DDX10: variants seen among roughly 807,000 people sequenced by gnomAD.
The protein encoded by DDX10 is probable ATP-dependent RNA helicase DDX10.
Under a neutral mutation model 104.3 loss-of-function variants are expected in DDX10, and 74 were observed. The ratio of observed to expected loss-of-function variants is 0.71; its 90% confidence interval spans 0.59 to 0.86. The LOEUF is 0.86. Among genes scored for constraint, DDX10 ranks in the 40% least tolerant of loss-of-function variants. The pLI is 0.00. For synonymous variants in DDX10, 351 were observed against 353.4 expected, an observed-to-expected ratio of 0.99 and a Z score of 0.08; for missense variants, 952 against 1,040.0, an observed-to-expected ratio of 0.92 and a Z score of 1.16.
At chr11:108,875,623 G>C (rs1373733072) in intron 16 of DDX10, among the ~76,000 whole-genome samples, 1 of 152,170 alleles carries the variant, frequency 6.6e-6, no homozygotes, top group Non-Finnish European at 1.5e-5. Context: ...CAAATGACCA[G>C]GTGTCCAGGA....
chr11:108,747,841 C>T (rs2094333718), intron 13 of DDX10, among the ~76,000 whole-genome samples: 1 of 152,074 alleles, frequency 6.6e-6, no homozygotes, highest in South Asian at 2.1e-4. Flanking sequence ...GTTACCGATT[C>T]ATGAAGTTGT....
chr11:108,816,675 C>T (rs144385900), intron 13 of DDX10, among the ~76,000 whole-genome samples: 103 of 151,980 alleles, frequency 6.8e-4, no homozygotes, highest in African/African-American at 2.4e-3. Flanking sequence ...GCCTCAGCCT[C>T]CCAAGTAGTG....
chr11:108,907,802 G>A (rs1201068409), intron 16 of DDX10, among the ~76,000 whole-genome samples: 1 of 152,092 alleles, frequency 6.6e-6, no homozygotes, highest in East Asian at 1.9e-4. Flanking sequence ...ATATGCCAAA[G>A]GATCAAGTAT....
At chr11:108,853,698 T>C (rs1862826414) in intron 16 of DDX10, among the ~76,000 whole-genome samples, 1 of 152,192 alleles carries the variant, frequency 6.6e-6, no homozygotes, top group African/African-American at 2.4e-5. Context: ...GTTGTCACAA[T>C]CAGGCATTTT....
At chr11:108,736,135 C>T (rs1310139858) in intron 13 of DDX10, among the ~76,000 whole-genome samples, 1 of 149,804 alleles carries the variant, frequency 6.7e-6, no homozygotes, top group Non-Finnish European at 1.5e-5. Flanking sequence ...AAAATGAACC[C>T]CTCTTTGCTT....
intron 5 of DDX10, 125 bp from the exon 6 acceptor site, chr11:108,679,246 C>G: frequency 1.3e-6 from 1 of 770,838 alleles, no homozygotes; most frequent in Non-Finnish European, 2.1e-6. Flanking sequence ...AGACTTTATT[C>G]AGGTTTTACC....
chr11:108,686,381 C>A (rs1005813614), intron 6 of DDX10, among the ~76,000 whole-genome samples: 1 of 152,192 alleles, frequency 6.6e-6, no homozygotes, highest in African/African-American at 2.4e-5. Flanking sequence ...TGAAAGTCCT[C>A]TGTGCTCTGC....
At chr11:108,828,118 A>G (rs772589012) in intron 13 of DDX10, among the ~76,000 whole-genome samples, 1 of 151,998 alleles carries the variant, frequency 6.6e-6, no homozygotes, top group Non-Finnish European at 1.5e-5. Context: ...TATATTTGCT[A>G]CTTGCTGGGG....
intron 16 of DDX10, among the ~76,000 whole-genome samples, chr11:108,912,929 A>G (rs1176624129): frequency 6.6e-6 from 1 of 151,970 alleles, no homozygotes; most frequent in African/African-American, 2.4e-5. Context: ...TCTCTTATCT[A>G]CCTATGACCT....
At chr11:108,739,649 A>T (rs2094322675) in intron 13 of DDX10, among the ~76,000 whole-genome samples, 1 of 152,172 alleles carries the variant, frequency 6.6e-6, no homozygotes, top group Non-Finnish European at 1.5e-5. Context: ...GCTTATTCAG[A>T]TTCTTTACCC....
At chr11:108,875,984 G>C (rs936209998) in intron 16 of DDX10, among the ~76,000 whole-genome samples, 5 of 152,160 alleles carry the variant, frequency 3.3e-5, no homozygotes, top group African/African-American at 1.2e-4. Context: ...TGTTCTTCCA[G>C]GTTTGCACGT....
chr11:108,905,475 A>G (rs1346042251), intron 16 of DDX10, among the ~76,000 whole-genome samples: 5 of 152,124 alleles, frequency 3.3e-5, no homozygotes, highest in African/African-American at 1.2e-4. Context: ...ATTTACATAC[A>G]GTACAATTCA....
At chr11:108,925,618 A>G (rs1565321036) in intron 17 of DDX10, among the ~76,000 whole-genome samples, 1 of 152,218 alleles carries the variant, frequency 6.6e-6, no homozygotes, top group African/African-American at 2.4e-5. Context: ...CAAACTTTCT[A>G]TCACTTGGTT....
intron 13 of DDX10, among the ~76,000 whole-genome samples, chr11:108,755,686 A>G (rs949315640): frequency 6.6e-6 from 1 of 152,026 alleles, no homozygotes; most frequent in Non-Finnish European, 1.5e-5. Context: ...GCTTACTTTT[A>G]TGAGACAATA....
rs957886828 is a variant in DDX10, at chr11:108,840,594, A to G, written c.2086-721A>G. Among the ~76,000 whole-genome samples, 12 of 152,224 alleles carry G rather than the reference A, an allele frequency of 7.9e-5. 1 individual carries two copies. The highest frequency in any genetic ancestry group is 7.2e-4 in the Admixed American group (11 of 15,286). On this transcript the variant is annotated intron_variant, in intron 14 of 17. Transcript: ENST00000322536. The stretch of plus-strand genomic sequence containing the variant: ...CATTTAGACAGGTCCCCTCATTAGC[A>G]GATCAGTGCCCCATCTTCTAGGTCA...
intron 16 of DDX10, among the ~76,000 whole-genome samples, chr11:108,868,875 T>G (rs2134621064): frequency 6.6e-6 from 1 of 151,944 alleles, no homozygotes; most frequent in East Asian, 1.9e-4. Flanking sequence ...AACCTTGAGA[T>G]GAAGGTAAGA....
At chr11:108,748,288 G>T (rs747677837) in intron 13 of DDX10, among the ~76,000 whole-genome samples, 11 of 152,170 alleles carry the variant, frequency 7.2e-5, no homozygotes, top group African/African-American at 2.7e-4. Context: ...ACTTCTGAAC[G>T]AGAGAGAGCG....
intron 13 of DDX10, among the ~76,000 whole-genome samples, chr11:108,764,894 A>C (rs868640832): frequency 1.8e-4 from 27 of 152,332 alleles, no homozygotes; most frequent in Middle Eastern, 6.8e-3. Flanking sequence ...AGTGTAAATT[A>C]TGGCATAAAA....
At chr11:108,799,418 T>C (rs1861987709) in intron 13 of DDX10, among the ~76,000 whole-genome samples, 1 of 152,254 alleles carries the variant, frequency 6.6e-6, no homozygotes, top group Admixed American at 6.5e-5. Flanking sequence ...CATATTCTTG[T>C]TTCTTTGTAT....
Sources: gnomAD v4.1 joint callset for allele counts (sites outside exome capture counted in the v4.1 genomes callset) on GRCh38, gnomAD v4.1.1 for gene constraint, MANE v1.5 for transcripts, NCBI Gene and HGNC (gene_info 2026-07-23, HGNC 2026-07-21) for gene names.